The following KIF26B variants were observed in gnomAD, a reference collection of about 807,000 sequenced individuals.
KIF26B encodes kinesin family member 26B.
Under a neutral mutation model 151.2 loss-of-function variants are expected in KIF26B, and 63 were observed. The observed-to-expected ratio is 0.42, with a 90% CI of 0.34 to 0.51. The LOEUF is 0.51. Among genes scored for constraint, KIF26B ranks in the 20% least tolerant of loss-of-function variants. The probability of loss-of-function intolerance (pLI) is 0.07; values close to 1 mark genes in which losing one functional copy is unlikely to be tolerated. For synonymous variants in KIF26B, 1,357 were observed against 1,262.1 expected (o/e 1.08, Z -1.59); for missense variants, 2,813 against 2,913.6 (o/e 0.97, Z 0.79).
rs1453248999 is a variant in KIF26B at position 245,563,458 on chromosome 1, G to A, written c.1350+22508G>A. Among the ~76,000 whole-genome samples the A allele has an allele frequency of 2.0e-5, 3 of 152,122 alleles. No individual in the cohort carries two copies. The highest frequency in any genetic ancestry group is 4.4e-5 in the Non-Finnish European group (3 of 68,018). On this transcript the variant is annotated intron_variant, in intron 5 of 14. Coordinates refer to ENST00000407071, the MANE Select transcript of KIF26B (RefSeq NM_018012.4). The surrounding 1 kb of genome is among the most constrained non-coding windows in gnomAD (Gnocchi z 4.6). ...AATCATTAAGAACTCCTGCCCATTG[G>A]ATGATGTTGCTGTATCTCCAATTAT...
At chr1:245,556,503 G>A (rs986723056) in intron 5 of KIF26B, among the ~76,000 whole-genome samples, 7 of 152,042 alleles carry the variant, frequency 4.6e-5, no homozygotes, top group African/African-American at 1.4e-4. Context: ...AAATTCAAGC[G>A]ATCCTCTCAC....
chr1:245,476,288 T>C (rs980247441), intron 4 of KIF26B, among the ~76,000 whole-genome samples: 2 of 151,752 alleles, frequency 1.3e-5, no homozygotes, highest in African/African-American at 4.8e-5. Flanking sequence ...TTAAAGGGTG[T>C]GAGTGAGGAA....
At chr1:245,344,581 C>T (rs993092355) in intron 2 of KIF26B, among the ~76,000 whole-genome samples, 1 of 150,134 alleles carries the variant, frequency 6.7e-6, no homozygotes, top group Non-Finnish European at 1.5e-5. Context: ...AAAGGGCAAT[C>T]ACTCTGGCTT....
At chr1:245,441,537 C>T (rs1018074658) in intron 4 of KIF26B, among the ~76,000 whole-genome samples, 1 of 151,988 alleles carries the variant, frequency 6.6e-6, no homozygotes, top group Admixed American at 6.6e-5. Context: ...TTTCATCCGC[C>T]GGCTCCTGGG....
rs1317380190 is a variant in KIF26B at position 245,241,125 on chromosome 1, G to A, written c.465+84442G>A. Among the ~76,000 whole-genome samples the A allele has an allele frequency of 6.6e-6, 1 of 152,188 alleles. No individual in the cohort carries two copies. Among genetic ancestry groups the A allele is most frequent in the Admixed American group, 6.5e-5 (1 of 15,276 alleles). ...ACCTGTCAGGAAAATCATCGGTAGT[G>A]AGCAGTTTCTTCCCGTTACCAGTAA... On this transcript the variant is annotated intron_variant, in intron 2 of 14. Transcript: ENST00000407071. This position sits in a 1 kb window ranked among gnomAD's most constrained non-coding sequence, Gnocchi z 5.0.
rs55638619 is a variant in KIF26B at position 245,244,756 on chromosome 1, TCACACACACACACACACACA to T, written c.465+88090_465+88109del. On this transcript the variant is annotated intron_variant, in intron 2 of 14. Coordinates refer to ENST00000407071, the MANE Select transcript of KIF26B (RefSeq NM_018012.4). This position sits in a 1 kb window ranked among gnomAD's most constrained non-coding sequence, Gnocchi z 4.2. ...AGAAGGAACACACAGACACGCACACTCACACACACACACACACACACACACACACACACACAGAACTGCTT... is the reference window on the plus strand; with the variant it reads ...AGAAGGAACACACAGACACGCACACTCACACACACACACACAGAACTGCTT... Among the ~76,000 whole-genome samples the T allele has an allele frequency of 3.5e-5, 5 of 144,354 alleles. No homozygotes were observed. Among genetic ancestry groups the T allele is most frequent in the Non-Finnish European group, 7.5e-5 (5 of 66,336 alleles). 94.7% of individuals were successfully genotyped at this position (144,354 alleles called of 152,430 possible).
intron 2 of KIF26B, among the ~76,000 whole-genome samples, chr1:245,164,819 T>A (rs1381740880): frequency 6.6e-6 from 1 of 152,188 alleles, no homozygotes; most frequent in African/African-American, 2.4e-5. Context: ...ACGCCTGTAA[T>A]CCCAGAACTT....
chr1:245,555,847 G>A (rs1662009681), intron 5 of KIF26B, among the ~76,000 whole-genome samples: 1 of 152,120 alleles, frequency 6.6e-6, no homozygotes, highest in African/African-American at 2.4e-5. Context: ...GAGGACTTGG[G>A]GGGGTTCATT....
chr1:245,503,703 G>T (rs1660670976), intron 4 of KIF26B, among the ~76,000 whole-genome samples: 1 of 152,228 alleles, frequency 6.6e-6, no homozygotes, highest in African/African-American at 2.4e-5. Context: ...TGATGGGTGT[G>T]TTGGAAGCAC....
At chr1:245,386,814 T>C (rs926599724) in intron 3 of KIF26B, among the ~76,000 whole-genome samples, 4 of 152,208 alleles carry the variant, frequency 2.6e-5, no homozygotes. Flanking sequence ...AATATTGAAC[T>C]GTTTACTCAG....
chr1:245,180,400 G>A (rs1292511895), intron 2 of KIF26B, among the ~76,000 whole-genome samples: 1 of 152,150 alleles, frequency 6.6e-6, no homozygotes, highest in African/African-American at 2.4e-5. Context: ...TGCAGCTTGG[G>A]CAACTTACTC....
chr1:245,488,440 G>T lies in KIF26B; in HGVS notation c.1167-52327G>T, dbSNP rs1038711937. On this transcript the variant is annotated intron_variant, in intron 4 of 14. Coordinates refer to ENST00000407071, the MANE Select transcript of KIF26B (RefSeq NM_018012.4). The surrounding 1 kb of genome is among the most constrained non-coding windows in gnomAD (Gnocchi z 4.6). ...AGATCGTACACTCCTTGCTGGGTAG[G>T]ATTGTTTCAGAGGATATGAAGGACA... Among the ~76,000 whole-genome samples, 4 of 152,136 alleles carry T rather than the reference G, an allele frequency of 2.6e-5. No homozygotes were observed. The highest frequency in any genetic ancestry group is 7.2e-5 in the African/African-American group (3 of 41,432).
chr1:245,397,012 G>A (rs1025255303), intron 3 of KIF26B, among the ~76,000 whole-genome samples: 1 of 149,774 alleles, frequency 6.7e-6, no homozygotes, highest in Non-Finnish European at 1.5e-5. Context: ...AGGCTGGAGT[G>A]CAGTGGCACA....
intron 9 of KIF26B, among the ~76,000 whole-genome samples, chr1:245,613,886 C>G (rs1015066334): frequency 4.6e-5 from 7 of 152,172 alleles, no homozygotes; most frequent in African/African-American, 1.7e-4. Context: ...CCAATCTATA[C>G]AGTCATGTAG....
In KIF26B at chr1:245,167,079, A is replaced by C. The variant is rs1010509; in HGVS notation, c.465+10396A>C. Among the ~76,000 whole-genome samples, 133,775 of 152,244 alleles carry C rather than the reference A, an allele frequency of 0.88. 59,826 individuals are homozygous for C. The highest frequency in any genetic ancestry group is 0.98 in the East Asian group (5,090 of 5,188). Reference sequence around the variant, plus strand: ...CTACTTATTGGAGTTTACGTTCAATACTGTTGCCAACCACAAAAAGTTATT... The same window carrying C: ...CTACTTATTGGAGTTTACGTTCAATCCTGTTGCCAACCACAAAAAGTTATT... On this transcript the variant is annotated intron_variant, in intron 2 of 14. Transcript: ENST00000407071. The surrounding 1 kb of genome is among the most constrained non-coding windows in gnomAD (Gnocchi z 4.2).
At chr1:245,499,467 C>T (rs555018374) in intron 4 of KIF26B, among the ~76,000 whole-genome samples, 22 of 152,272 alleles carry the variant, frequency 1.4e-4, no homozygotes, top group South Asian at 6.2e-4. Context: ...CATAGTCTAT[C>T]GGAAGTGAGG....
At position 245,560,889 on chromosome 1, in the gene KIF26B, C is replaced by T. The variant is rs1339173453; in HGVS notation, c.1350+19939C>T. Among the ~76,000 whole-genome samples the T allele has an allele frequency of 6.6e-6, 1 of 152,216 alleles. No homozygotes were observed. Among genetic ancestry groups the T allele is most frequent in the East Asian group, 1.9e-4 (1 of 5,186 alleles). On this transcript the variant is annotated intron_variant, in intron 5 of 14. Transcript: ENST00000407071. This position sits in a 1 kb window ranked among gnomAD's most constrained non-coding sequence, Gnocchi z 4.3. Reference sequence around the variant, plus strand: ...AAGATTCTGGATTTGGGCGGTCTCACCTCCAAAATTGCAGCCCCTAAGGGG... The same window carrying T: ...AAGATTCTGGATTTGGGCGGTCTCATCTCCAAAATTGCAGCCCCTAAGGGG...
chr1:245,362,831 T>C (rs1672855348), intron 2 of KIF26B, among the ~76,000 whole-genome samples: 4 of 152,174 alleles, frequency 2.6e-5, no homozygotes, highest in Admixed American at 2.0e-4. Flanking sequence ...AATGATTTGG[T>C]ATATATTCCT....
intron 9 of KIF26B, among the ~76,000 whole-genome samples, chr1:245,626,061 G>C (rs1165518184): frequency 6.6e-6 from 1 of 152,072 alleles, no homozygotes; most frequent in African/African-American, 2.4e-5. Flanking sequence ...TTGAGTTTTT[G>C]TATAACTGCT....
Sources: gnomAD v4.1 joint callset for allele counts (sites outside exome capture counted in the v4.1 genomes callset) on GRCh38, gnomAD v4.1.1 for gene constraint, Gnocchi (gnomAD v3.1) non-coding constraint, MANE v1.5 for transcripts, NCBI Gene and HGNC (gene_info 2026-07-23, HGNC 2026-07-21) for gene names.